The following HDX variants were observed in gnomAD, a reference collection of about 807,000 sequenced individuals.
HDX encodes the protein chromosome X open reading frame 43.
In HDX, 19 loss-of-function variants were observed where a neutral mutation model predicts 45.2. The ratio of observed to expected loss-of-function variants is 0.42; its 90% CI spans 0.29 to 0.62. HDX has a LOEUF of 0.62. Among genes scored for constraint, HDX ranks in the 20% least tolerant of loss-of-function variants. The probability of loss-of-function intolerance (pLI) is 0.20; values close to 1 mark genes in which losing one functional copy is unlikely to be tolerated. For missense variants in HDX, 532 were observed against 493.9 expected, an observed-to-expected ratio of 1.08 and a Z score of -0.73; for synonymous variants, 188 against 172.8, an observed-to-expected ratio of 1.09 and a Z score of -0.69.
intron 7 of HDX, among the ~76,000 whole-genome samples, chrX:84,340,777 G>T (rs1476136183): frequency 4.5e-5 from 5 of 111,170 alleles, no homozygotes; most frequent in Non-Finnish European, 9.5e-5. Context: ...GAATGAAAAG[G>T]TTACCATGCA....
At chrX:84,497,503 T>C (rs976876004) in intron 1 of HDX, among the ~76,000 whole-genome samples, 13 of 111,359 alleles carry the variant, frequency 1.2e-4, no homozygotes, top group Admixed American at 3.8e-4. Context: ...TAAGAAAGAA[T>C]ATGGGTTTAT....
chrX:84,468,110 A>G (rs2040386662), intron 4 of HDX, among the ~76,000 whole-genome samples: 1 of 111,388 alleles, frequency 9.0e-6, no homozygotes. Flanking sequence ...CCAAAATGCA[A>G]CTGAAAACCA....
chrX:84,383,993 A>C (rs1287595760), intron 5 of HDX, among the ~76,000 whole-genome samples: 1 of 110,389 alleles, frequency 9.1e-6, no homozygotes, highest in African/African-American at 3.3e-5. Context: ...ACGATTGTGA[A>C]TATTGCTGCG....
chrX:84,418,170 C>T (rs1569329773), intron 5 of HDX, among the ~76,000 whole-genome samples: 1 of 111,286 alleles, frequency 9.0e-6, no homozygotes, highest in Non-Finnish European at 1.9e-5. Flanking sequence ...GCACATACTC[C>T]AATGAAAAGA....
chrX:84,421,488 G>A (rs1203165140), intron 5 of HDX, among the ~76,000 whole-genome samples: 2 of 110,284 alleles, frequency 1.8e-5, no homozygotes, highest in Non-Finnish European at 3.8e-5. Flanking sequence ...AGGAAGACAT[G>A]AAAAAAAGAA....
At position 84,484,998 on chromosome X, in the gene HDX, A is replaced by G. The variant is rs1232742348; in HGVS notation, c.-1+3026T>C. 5.4e-5 allele frequency among the ~76,000 whole-genome samples: 6 copies of G among 111,687 alleles called. No homozygotes were observed. In the Admixed American group the frequency reaches 5.7e-4, roughly 11 times the overall value. On this transcript the variant is annotated intron_variant, in intron 2 of 10. Coordinates refer to ENST00000373177, the MANE Select transcript of HDX (RefSeq NM_001177479.2). The stretch of plus-strand genomic sequence containing the variant: ...AAGTATATATTGTCATTCAGTTCAA[A>G]ATATTTTCCAATTTCTCTTGTTTAC...
intron 4 of HDX, among the ~76,000 whole-genome samples, chrX:84,461,846 T>C (rs980361601): frequency 9.8e-5 from 11 of 112,074 alleles, no homozygotes; most frequent in African/African-American, 3.2e-4. Context: ...TCTGATTAAG[T>C]AATGGGCAAA....
intron 5 of HDX, among the ~76,000 whole-genome samples, chrX:84,393,836 A>G (rs12013632): frequency 9.2e-6 from 1 of 109,266 alleles, no homozygotes; most frequent in East Asian, 2.9e-4. Context: ...CTGATAATCT[A>G]GTATTCCTGT....
At chrX:84,363,593 A>G (rs2037671662) in intron 5 of HDX, among the ~76,000 whole-genome samples, 1 of 112,220 alleles carries the variant, frequency 8.9e-6, no homozygotes, top group Non-Finnish European at 1.9e-5. Context: ...AAGGCAACCT[A>G]TTATGACAAT....
Position 84,496,624 on chromosome X carries a change from T to TA in HDX, c.-110+5717dup, listed in dbSNP as rs746325392. Among the ~76,000 whole-genome samples the TA allele has an allele frequency of 3.1e-4, 34 of 111,242 alleles. No individual in the cohort carries two copies. The South Asian group carries it at 0.012, about 40-fold the overall frequency. On this transcript the variant is annotated intron_variant, in intron 1 of 10. Coordinates refer to ENST00000373177, the MANE Select transcript of HDX (RefSeq NM_001177479.2). ...GTATTACTAGTTGAGAGAAGAAAAA[T>TA]AATCTCAAACTGACTTCCAGCATCT...
chrX:84,487,844 A>T (rs919929473), intron 2 of HDX, among the ~76,000 whole-genome samples, 180 bp downstream of exon 2: 1 of 112,254 alleles, frequency 8.9e-6, no homozygotes, highest in Admixed American at 9.5e-5. Flanking sequence ...GCCACCATTG[A>T]TTAAAAAGTG....
At chrX:84,471,437 TTATA>T (rs890622223) in intron 3 of HDX, among the ~76,000 whole-genome samples, 1 of 105,806 alleles carries the variant, frequency 9.5e-6, no homozygotes, top group Non-Finnish European at 1.9e-5. Flanking sequence ...ATTTTATATA[TTATA>T]TATATATATA....
chrX:84,368,937 A>G (rs1214633674), intron 5 of HDX, among the ~76,000 whole-genome samples: 1 of 110,922 alleles, frequency 9.0e-6, no homozygotes, highest in Non-Finnish European at 1.9e-5. Context: ...TGCTCCTATG[A>G]TAATTGAGTG....
chrX:84,417,508 G>A lies in HDX; in HGVS notation c.1305+23024C>T, dbSNP rs185032312. ...TCACTGGGAGAGGGAAAGAGAATGGGCATATATACAATATCTCTTGACTTT... is the reference window on the plus strand; with the variant it reads ...TCACTGGGAGAGGGAAAGAGAATGGACATATATACAATATCTCTTGACTTT... On this transcript the variant is annotated intron_variant, in intron 5 of 10. Transcript: ENST00000373177. Among the ~76,000 whole-genome samples the A allele has an allele frequency of 2.7e-5, 3 of 112,294 alleles. No individual in the cohort carries two copies. In the East Asian group the frequency reaches 8.5e-4, roughly 32 times the overall value.
chrX:84,459,800 G>A (rs1005144354), intron 4 of HDX, among the ~76,000 whole-genome samples: 4 of 111,656 alleles, frequency 3.6e-5, no homozygotes, highest in African/African-American at 1.3e-4. Flanking sequence ...TAGCGAGACT[G>A]TGGGGAGAAA....
chrX:84,374,442 G>A (rs1230482357), intron 5 of HDX, among the ~76,000 whole-genome samples: 3 of 110,609 alleles, frequency 2.7e-5, no homozygotes, highest in Non-Finnish European at 5.7e-5. Flanking sequence ...AAAAGAGCCT[G>A]CATAGCCAAG....
chrX:84,468,523 A>T lies in HDX; in HGVS notation c.1200T>A (p.His400Gln). 8.5e-7 allele frequency: 1 copy of T among 1,177,809 alleles called. No individual in the cohort carries two copies. Among genetic ancestry groups the T allele is most frequent in the East Asian group, 3.0e-5 (1 of 33,672 alleles). The change falls in exon 4 of 11, where the codon CAT becomes CAA. Residue 400 changes from histidine (H) to glutamine (Q), a missense_variant. His to Gln is a conservative substitution (Grantham distance 24). This residue lies in a region of HDX where 376 missense variants were observed against 343.7 expected (regional missense o/e 1.09). Transcript: ENST00000373177. The stretch of plus-strand genomic sequence containing the variant: ...ATCTCAATTGGTTTGATGATGCAAA[A>T]TGAGGAGAAAAATTACTCCGTAATG... ...TNPLRSNFSP[H>Q]FASSNQLRLS...
At chrX:84,490,679 T>C (rs1267817120) in intron 1 of HDX, among the ~76,000 whole-genome samples, 1 of 108,093 alleles carries the variant, frequency 9.3e-6, no homozygotes, top group Non-Finnish European at 2.0e-5. Context: ...TATGAGTGGA[T>C]GAACTTTTTT....
intron 5 of HDX, among the ~76,000 whole-genome samples, chrX:84,376,847 C>T (rs757017759): frequency 5.2e-4 from 58 of 112,287 alleles, no homozygotes; most frequent in Non-Finnish European, 7.9e-4. Context: ...GGAAGGACCC[C>T]GGGTTGGCTT....
Sources: gnomAD v4.1 joint callset for allele counts (sites outside exome capture counted in the v4.1 genomes callset) on GRCh38, gnomAD v4.1.1 for gene constraint, gnomAD v4.1.1 regional missense constraint, MANE v1.5 for transcripts, NCBI Gene and HGNC (gene_info 2026-07-23, HGNC 2026-07-21) for gene names.